EFCAB6: variants seen among roughly 807,000 people sequenced by gnomAD.
EFCAB6 encodes the protein EF-hand calcium binding domain 6.
Under a neutral mutation model 169.8 loss-of-function variants are expected in EFCAB6, and 156 were observed. The observed-to-expected ratio is 0.92, with a 90% CI of 0.81 to 1.05. EFCAB6 has a LOEUF of 1.05. Among genes scored for constraint, EFCAB6 ranks in the 50% least tolerant of loss-of-function variants. The pLI is 0.00. For missense variants in EFCAB6, 1,800 were observed against 1,829.1 expected (o/e 0.98, Z 0.29); for synonymous variants, 698 against 676.4 (o/e 1.03, Z -0.50).
At chr22:43,761,281 T>C (rs1056085529) in intron 5 of EFCAB6, among the ~76,000 whole-genome samples, 7 of 152,238 alleles carry the variant, frequency 4.6e-5, no homozygotes, top group Admixed American at 1.3e-4. Flanking sequence ...TATTCTGTTA[T>C]AGCAGCACAA....
chr22:43,585,200 G>T (rs2050979547), intron 24 of EFCAB6, among the ~76,000 whole-genome samples: 1 of 151,534 alleles, frequency 6.6e-6, no homozygotes, highest in African/African-American at 2.4e-5. Flanking sequence ...TATGTAAAGT[G>T]TTCTTATGGA....
chr22:43,529,568 TAAGA>T, intron 31 of EFCAB6, among the ~76,000 whole-genome samples: 1 of 152,282 alleles, frequency 6.6e-6, no homozygotes, highest in Non-Finnish European at 1.5e-5. Context: ...AGAAGCTAAG[TAAGA>T]ATGTTATGTA....
chr22:43,692,621 AAAG>A (rs2058448975), intron 10 of EFCAB6, among the ~76,000 whole-genome samples: 1 of 152,184 alleles, frequency 6.6e-6, no homozygotes, highest in East Asian at 1.9e-4. Flanking sequence ...AGACTTAACA[AAAG>A]AATAGAGAAG....
intron 22 of EFCAB6, among the ~76,000 whole-genome samples, chr22:43,605,021 C>T (rs2052808800): frequency 6.6e-6 from 1 of 152,148 alleles, no homozygotes; most frequent in Admixed American, 6.5e-5. Context: ...TGAATTCTAC[C>T]TGGTTAAATG....
intron 15 of EFCAB6, among the ~76,000 whole-genome samples, chr22:43,669,374 T>C (rs1173389566): frequency 6.6e-6 from 1 of 152,266 alleles, no homozygotes; most frequent in Non-Finnish European, 1.5e-5. Flanking sequence ...AATGGAATAC[T>C]ACTCAGCAGT....
intron 13 of EFCAB6, among the ~76,000 whole-genome samples, chr22:43,675,205 AATAT>A (rs1488159650): frequency 6.9e-6 from 1 of 145,724 alleles, no homozygotes; most frequent in Non-Finnish European, 1.5e-5. Flanking sequence ...TGTAATATAT[AATAT>A]ATATCATATA....
At chr22:43,612,436 C>T (rs1354888386) in intron 21 of EFCAB6, among the ~76,000 whole-genome samples, 1 of 152,096 alleles carries the variant, frequency 6.6e-6, no homozygotes, top group East Asian at 1.9e-4. Context: ...GGAACTTAAA[C>T]AACCCCATTG....
chr22:43,778,929 G>A (rs1207469921), intron 3 of EFCAB6, among the ~76,000 whole-genome samples: 1 of 151,872 alleles, frequency 6.6e-6, no homozygotes, highest in East Asian at 1.9e-4. Flanking sequence ...AGAAGAAAAG[G>A]TAACTTAATC....
intron 24 of EFCAB6, among the ~76,000 whole-genome samples, chr22:43,581,580 T>C (rs1034064373): frequency 2.6e-5 from 4 of 152,234 alleles, no homozygotes; most frequent in Non-Finnish European, 5.9e-5. Flanking sequence ...GCATTCAAAG[T>C]TCACATTTCT....
chr22:43,775,419 G>A (rs571774895), intron 3 of EFCAB6, among the ~76,000 whole-genome samples: 12 of 152,210 alleles, frequency 7.9e-5, no homozygotes, highest in South Asian at 2.1e-4. Flanking sequence ...ATGAGGTCAC[G>A]CAAGCTGCTA....
intron 21 of EFCAB6, among the ~76,000 whole-genome samples, chr22:43,610,207 T>C (rs928202728): frequency 1.3e-5 from 2 of 152,170 alleles, no homozygotes; most frequent in Admixed American, 6.5e-5. Context: ...AAAGACATCA[T>C]ATAAAAAAGG....
intron 8 of EFCAB6, among the ~76,000 whole-genome samples, chr22:43,720,860 A>G (rs1362630619): frequency 6.6e-6 from 1 of 152,162 alleles, no homozygotes; most frequent in African/African-American, 2.4e-5. Context: ...GAAATTAAAG[A>G]GGAAGTCCTA....
rs535796521 is a variant in EFCAB6, at chr22:43,795,613, C to G, written c.-7-13288G>C. 6.6e-6 allele frequency among the ~76,000 whole-genome samples: 1 copy of G among 152,262 alleles called. No individual in the cohort carries two copies. Among genetic ancestry groups the G allele is most frequent in the South Asian group, 2.1e-4 (1 of 4,828 alleles). ...TGCAGAGTCTCTCACACAGCCTGCA[C>G]TTCTCCGGCACTGTACATACCCCAA... On this transcript the variant is annotated intron_variant, in intron 2 of 31. Coordinates refer to ENST00000262726, the MANE Select transcript of EFCAB6 (RefSeq NM_022785.4). This position sits in a 1 kb window ranked among gnomAD's most constrained non-coding sequence, Gnocchi z 4.2.
intron 26 of EFCAB6, among the ~76,000 whole-genome samples, chr22:43,575,460 G>A (rs1044053824): frequency 9.4e-5 from 14 of 149,102 alleles, no homozygotes; most frequent in Non-Finnish European, 1.6e-4. Context: ...TGCCCACCTC[G>A]GCCTCCCAAA....
chr22:43,691,053 CTCTT>C (rs758125974), intron 10 of EFCAB6, among the ~76,000 whole-genome samples: 9 of 152,022 alleles, frequency 5.9e-5, no homozygotes, highest in Non-Finnish European at 8.8e-5. Context: ...TGATAAATGC[CTCTT>C]TCTATTTCTG....
At chr22:43,783,641 AAAG>A (rs2061908925) in intron 2 of EFCAB6, among the ~76,000 whole-genome samples, 1 of 152,246 alleles carries the variant, frequency 6.6e-6, no homozygotes, top group African/African-American at 2.4e-5. Context: ...CATATATAAC[AAAG>A]AATACAGACT....
intron 3 of EFCAB6, among the ~76,000 whole-genome samples, chr22:43,781,912 A>G (rs2061835218): frequency 6.6e-6 from 1 of 152,156 alleles, no homozygotes; most frequent in Non-Finnish European, 1.5e-5. Flanking sequence ...GAGTTTTTAT[A>G]TATATAAGCC....
chr22:43,784,275 A>G (rs1219133801), intron 2 of EFCAB6, among the ~76,000 whole-genome samples: 1 of 152,068 alleles, frequency 6.6e-6, no homozygotes, highest in African/African-American at 2.4e-5. Context: ...GATGTGGATG[A>G]GAAATACTTC....
intron 3 of EFCAB6, 123 bp downstream of exon 3, chr22:43,782,057 T>G (rs1280817150): frequency 7.0e-6 from 7 of 1,001,822 alleles, no homozygotes; most frequent in Non-Finnish European, 1.0e-5. Flanking sequence ...AAACAGAGCC[T>G]AATTCATAGA....
Sources: gnomAD v4.1 joint callset for allele counts (sites outside exome capture counted in the v4.1 genomes callset) on GRCh38, gnomAD v4.1.1 for gene constraint, Gnocchi (gnomAD v3.1) non-coding constraint, MANE v1.5 for transcripts, NCBI Gene and HGNC (gene_info 2026-07-23, HGNC 2026-07-21) for gene names.